Variants in SHPRH observed in about 807,000 individuals in gnomAD.
SHPRH encodes the protein E3 ubiquitin-protein ligase SHPRH.
SHPRH carries 106 observed loss-of-function variants against 202.5 expected under a neutral mutation model. The ratio of observed to expected loss-of-function variants is 0.52; its 90% CI spans 0.45 to 0.62. SHPRH has a LOEUF of 0.62. Ranked by LOEUF, SHPRH falls within the 20% of genes least tolerant of loss-of-function variation. The pLI, the probability that SHPRH is intolerant of heterozygous loss-of-function variation, is 0.00. For missense variants in SHPRH, 1,710 were observed against 2,020.0 expected (o/e 0.85, Z 2.94); for synonymous variants, 729 against 686.0 (o/e 1.06, Z -0.98).
intron 20 of SHPRH, 115 bp from the exon 21 acceptor site, chr6:145,921,507 T>A: frequency 2.0e-6 from 2 of 991,534 alleles, no homozygotes; most frequent in Non-Finnish European, 2.9e-6. Context: ...CAAAGCAACC[T>A]TGAAAAAGCT....
At chr6:145,944,921 C>T (rs1562358510) in intron 8 of SHPRH, among the ~76,000 whole-genome samples, 1 of 151,966 alleles carries the variant, frequency 6.6e-6, no homozygotes, top group Non-Finnish European at 1.5e-5. Flanking sequence ...ATTAACCAGG[C>T]ATGGTGACAT....
At chr6:145,956,980 A>T (rs1252460912) in intron 1 of SHPRH, among the ~76,000 whole-genome samples, 1 of 152,134 alleles carries the variant, frequency 6.6e-6, no homozygotes, top group African/African-American at 2.4e-5. Flanking sequence ...TGAATGACTT[A>T]CACTGATTCC....
chr6:145,921,540 G>T (rs1404742680), intron 20 of SHPRH, 148 bp from the exon 21 acceptor site: 35 of 547,352 alleles, frequency 6.4e-5, no homozygotes, highest in Non-Finnish European at 2.2e-5. Context: ...AATTTGGCCA[G>T]TTTTTTTTTT....
chr6:145,888,658 G>T (rs991352363), intron 28 of SHPRH, among the ~76,000 whole-genome samples: 5 of 152,282 alleles, frequency 3.3e-5, no homozygotes, highest in African/African-American at 1.2e-4. Flanking sequence ...TGGTGGGTTT[G>T]TATGCATGAT....
chr6:145,899,190 GA>G (rs1299889903), intron 25 of SHPRH, among the ~76,000 whole-genome samples: 1 of 151,988 alleles, frequency 6.6e-6, no homozygotes, highest in East Asian at 1.9e-4. Context: ...AGAAAAATAG[GA>G]AAAACAATTC....
intron 28 of SHPRH, among the ~76,000 whole-genome samples, chr6:145,892,157 A>G (rs762458991): frequency 4.6e-5 from 7 of 152,032 alleles, no homozygotes; most frequent in Non-Finnish European, 7.4e-5. Flanking sequence ...TCTTTCTCAT[A>G]CTTTATACTG....
At chr6:145,889,495 G>C (rs1300503490) in intron 28 of SHPRH, among the ~76,000 whole-genome samples, 1 of 152,076 alleles carries the variant, frequency 6.6e-6, no homozygotes, top group Non-Finnish European at 1.5e-5. Flanking sequence ...GAGTGCCAAC[G>C]TGACAAGTGG....
At chr6:145,887,978 G>C in intron 29 of SHPRH, 42 bp downstream of exon 29, 1 of 1,455,340 alleles carries the variant, frequency 6.9e-7, no homozygotes, top group Non-Finnish European at 9.6e-7. Context: ...ACTTTTAACA[G>C]GAAAACCTTC....
At chr6:145,926,562 A>C (rs1458126058) in intron 15 of SHPRH, among the ~76,000 whole-genome samples, 1 of 151,866 alleles carries the variant, frequency 6.6e-6, no homozygotes, top group African/African-American at 2.4e-5. Context: ...ACTTTTCCAT[A>C]TGTTCCTCTA....
intron 14 of SHPRH, among the ~76,000 whole-genome samples, chr6:145,932,187 G>A (rs950139056): frequency 4.7e-4 from 71 of 151,978 alleles, no homozygotes; most frequent in Non-Finnish European, 7.2e-4. Flanking sequence ...TTGAATCTAT[G>A]GAATACAGTT....
chr6:145,914,582 G>A (rs771791268), intron 23 of SHPRH, among the ~76,000 whole-genome samples: 2 of 152,040 alleles, frequency 1.3e-5, no homozygotes, highest in Non-Finnish European at 2.9e-5. Context: ...AAAGGCAGCG[G>A]GCTGAATTTT....
intron 23 of SHPRH, among the ~76,000 whole-genome samples, chr6:145,915,089 T>G (rs999730420): frequency 5.4e-5 from 8 of 147,590 alleles, no homozygotes; most frequent in Non-Finnish European, 3.0e-5. Flanking sequence ...TTTTATAAAT[T>G]TTAATAAACT....
At chr6:145,950,669 GT>G (rs1440585672) in intron 3 of SHPRH, among the ~76,000 whole-genome samples, 187 bp from the exon 4 acceptor site, 1 of 152,034 alleles carries the variant, frequency 6.6e-6, no homozygotes, top group Non-Finnish European at 1.5e-5. Flanking sequence ...CTTCAAGAAA[GT>G]TTAACTGATA....
chr6:145,945,315 G>C (rs1275742360), intron 8 of SHPRH, 66 bp downstream of exon 8: 91 of 1,500,542 alleles, frequency 6.1e-5, no homozygotes, highest in Non-Finnish European at 8.1e-5. Context: ...GGTGGGATCT[G>C]TCAATGTACT....
Position 145,919,456 on chromosome 6 carries a change from A to G in SHPRH, c.4044T>C (p.Arg1348=). 2 of 1,613,088 alleles carry G rather than the reference A, an allele frequency of 1.2e-6. No individual in the cohort carries two copies. The highest frequency in any genetic ancestry group is 2.7e-5 in the African/African-American group (2 of 74,946). Residue 1348 remains arginine, a synonymous_variant, in exon 22 of 30, where the codon CGT becomes CGC. Coordinates refer to ENST00000275233, the MANE Select transcript of SHPRH (RefSeq NM_001042683.3). ...TTGCAAGTTCATCAACAGCAGACAC[A>G]CGATTCCTCAGAGCCATCCAATATT... ...LHEYWMALRN[R]VSAVDELAMA...
At chr6:145,942,561 A>C (rs903720512) in intron 9 of SHPRH, among the ~76,000 whole-genome samples, 3 of 152,218 alleles carry the variant, frequency 2.0e-5, no homozygotes, top group African/African-American at 7.2e-5. Context: ...GAAAGAAGGA[A>C]GAATGAAATT....
At chr6:145,941,496 T>G (rs1030667248) in intron 10 of SHPRH, 127 bp downstream of exon 10, 40 of 1,412,838 alleles carry the variant, frequency 2.8e-5, no homozygotes, top group Middle Eastern at 3.7e-4. Flanking sequence ...TAGTGTTTAA[T>G]AACAAACTTT....
At chr6:145,917,056 C>T (rs1784018944) in intron 23 of SHPRH, 1 of 152,110 alleles carries the variant, frequency 6.6e-6, no homozygotes, top group South Asian at 2.1e-4. Flanking sequence ...CCATGCCCAG[C>T]CTGTGTTATC....
In SHPRH at chr6:145,955,066, T is replaced by C; in HGVS notation, c.257A>G (p.Glu86Gly). The C allele has an allele frequency of 1.2e-6, 2 of 1,613,298 alleles. No homozygotes were observed. Among genetic ancestry groups the C allele is most frequent in the Non-Finnish European group, 1.7e-6 (2 of 1,179,926 alleles). ...VVSFSKPIEK[E>G]ETVGIFSPLS... Reference sequence around the variant, plus strand: ...AGGGGAAAAAATACCAACAGTCTCTTCTTTTTCAATTGGTTTTGAGAAGCT... The same window carrying C: ...AGGGGAAAAAATACCAACAGTCTCTCCTTTTTCAATTGGTTTTGAGAAGCT... Residue 86 changes from glutamate (E) to glycine (G), a missense_variant, in exon 2 of 30, where the codon GAA (glutamate) becomes GGA (glycine). Glu to Gly is a moderately conservative substitution (Grantham distance 98). Transcript: ENST00000275233.
Sources: allele counts gnomAD v4.1 joint callset (sites outside exome capture counted in the v4.1 genomes callset), GRCh38; gene constraint gnomAD v4.1.1; transcripts MANE v1.5; gene names NCBI Gene and HGNC (gene_info 2026-07-23, HGNC 2026-07-21).